METTL4: variants seen among roughly 807,000 people sequenced by gnomAD.
METTL4 encodes methyltransferase 4, N6-adenosine, also known as N(6)-adenine-specific methyltransferase METTL4.
In METTL4, 40 loss-of-function variants were observed where a neutral mutation model predicts 54.0. That is an observed-to-expected ratio of 0.74 (90% CI 0.58 to 0.96). The LOEUF is 0.96. Ranked by LOEUF, METTL4 falls within the 50% of genes least tolerant of loss-of-function variation. The pLI is 0.00. For missense variants in METTL4, 525 were observed against 549.0 expected (o/e 0.96, Z 0.44); for synonymous variants, 169 against 183.8 (o/e 0.92, Z 0.65).
At chr18:2,563,517 C>G (rs1175932270) in intron 3 of METTL4, among the ~76,000 whole-genome samples, 1 of 150,576 alleles carries the variant, frequency 6.6e-6, no homozygotes, top group Non-Finnish European at 1.5e-5. Context: ...ATTGCTTGAA[C>G]CCAGGAGGCA....
chr18:2,564,949 T>C (rs2072381334), intron 2 of METTL4, among the ~76,000 whole-genome samples: 1 of 152,182 alleles, frequency 6.6e-6, no homozygotes, highest in African/African-American at 2.4e-5. Flanking sequence ...AATATTTTCT[T>C]TTCTGTGTGT....
At chr18:2,546,660 T>A (rs185286796) in intron 6 of METTL4, among the ~76,000 whole-genome samples, 1 of 152,268 alleles carries the variant, frequency 6.6e-6, no homozygotes, top group Admixed American at 6.5e-5. Flanking sequence ...GAAAGGCGTT[T>A]ATAGAAATCA....
intron 3 of METTL4, among the ~76,000 whole-genome samples, chr18:2,559,134 A>G (rs1341083315): frequency 6.6e-6 from 1 of 152,228 alleles, no homozygotes; most frequent in East Asian, 1.9e-4. Flanking sequence ...AAAAGAACTA[A>G]AAGCAAGAAC....
At chr18:2,556,871 T>C (rs2072246784) in intron 3 of METTL4, among the ~76,000 whole-genome samples, 1 of 151,608 alleles carries the variant, frequency 6.6e-6, no homozygotes, top group Admixed American at 6.6e-5. Flanking sequence ...GGAGGAGGAA[T>C]CCGCACTATG....
At chr18:2,554,415 T>A in intron 4 of METTL4, 1 of 383,036 alleles carries the variant, frequency 2.6e-6, no homozygotes, top group Non-Finnish European at 4.6e-6. Context: ...CATACCGAAT[T>A]CCTAAGTACA....
At chr18:2,546,050 G>A (rs892703426) in intron 6 of METTL4, among the ~76,000 whole-genome samples, 4 of 152,036 alleles carry the variant, frequency 2.6e-5, no homozygotes, top group Admixed American at 6.6e-5. Context: ...TAGGCAAGAC[G>A]GAACAGGGTA....
rs778830253 is a variant in METTL4 at position 2,547,520 on chromosome 18, A to G, written c.909T>C (p.Tyr303=). The G allele has an allele frequency of 8.3e-6, 13 of 1,570,716 alleles. No individual in the cohort carries two copies. The highest frequency in any genetic ancestry group is 1.4e-5 in the African/African-American group (1 of 72,580). ...TTTGCTGTATTTGCAGGGGTGACAA[A>G]TAACTGTACCTAAAAATAAACGGAA... The part of the protein sequence containing the change: ...KSVKRSNRYS[Y]LSPLQIQQIP... The change falls in exon 6 of 9, where the codon TAT becomes TAC. Residue 303 remains tyrosine, a synonymous_variant. Transcript: ENST00000574538.
chr18:2,541,501 G>T (rs1380074614), intron 8 of METTL4, among the ~76,000 whole-genome samples: 2 of 152,030 alleles, frequency 1.3e-5, no homozygotes, highest in Non-Finnish European at 2.9e-5. Flanking sequence ...AAAAAGAAGT[G>T]GAAATTCCTC....
At chr18:2,570,312 G>C (rs529929571) in intron 1 of METTL4, among the ~76,000 whole-genome samples, 1 of 152,180 alleles carries the variant, frequency 6.6e-6, no homozygotes, top group African/African-American at 2.4e-5. Context: ...CAGGAAATTG[G>C]CAGGCTTGAC....
intron 5 of METTL4, among the ~76,000 whole-genome samples, chr18:2,550,116 C>T (rs1003152291): frequency 6.6e-6 from 1 of 152,120 alleles, no homozygotes; most frequent in Non-Finnish European, 1.5e-5. Context: ...TTCTCATAAT[C>T]GAAGTGATGA....
rs997504169 is a variant in METTL4, at chr18:2,559,856, G to A, written c.459+3941C>T. ...GTTCCAACAATTCTCCTCCCTCAGC[G>A]TCCCAAGTAGCTGGGGTTATAGGTG... On this transcript the variant is annotated intron_variant, in intron 3 of 8. Transcript: ENST00000574538. Among the ~76,000 whole-genome samples the A allele has an allele frequency of 2.1e-4, 32 of 152,014 alleles. 1 individual carries two copies. The highest frequency in any genetic ancestry group is 7.5e-4 in the African/African-American group (31 of 41,384).
intron 5 of METTL4, 150 bp from the exon 6 acceptor site, chr18:2,547,679 C>T (rs549071402): frequency 1.9e-6 from 1 of 521,676 alleles, no homozygotes; most frequent in Admixed American, 3.8e-5. Context: ...CAGTGACACC[C>T]AGTGGACATA....
intron 5 of METTL4, among the ~76,000 whole-genome samples, 185 bp from the exon 6 acceptor site, chr18:2,547,714 CCTT>C (rs994271119): frequency 5.9e-4 from 89 of 150,984 alleles, no homozygotes; most frequent in Non-Finnish European, 9.3e-4. Context: ...ACAAAAATCA[CCTT>C]TTTTTTAACT....
chr18:2,543,508 C>T (rs2072025231), intron 8 of METTL4, among the ~76,000 whole-genome samples: 1 of 152,146 alleles, frequency 6.6e-6, no homozygotes, highest in Non-Finnish European at 1.5e-5. Flanking sequence ...ATTCTCACAA[C>T]TCTAGAGGAC....
intron 4 of METTL4, chr18:2,554,350 C>T (rs570641254): frequency 4.7e-6 from 1 of 212,936 alleles, no homozygotes; most frequent in Non-Finnish European, 8.6e-6. Flanking sequence ...TGAAGTGTTT[C>T]TACTTTGCTA....
chr18:2,560,661 A>G (rs1181814767), intron 3 of METTL4, among the ~76,000 whole-genome samples: 1 of 152,174 alleles, frequency 6.6e-6, no homozygotes, highest in East Asian at 1.9e-4. Context: ...GCAGATCATG[A>G]GGTCAGGAGA....
intron 4 of METTL4, 158 bp downstream of exon 4, chr18:2,554,511 G>T: frequency 1.6e-6 from 1 of 640,914 alleles, no homozygotes; most frequent in Non-Finnish European, 2.6e-6. Context: ...GCAAAAGTCA[G>T]CACCTTAAAA....
Position 2,552,191 on chromosome 18 carries a change from C to CAAAAT in METTL4, c.899+499_899+503dup, listed in dbSNP as rs553206325. Among the ~76,000 whole-genome samples the CAAAAT allele has an allele frequency of 2.5e-4, 38 of 149,662 alleles. No homozygotes were observed. The East Asian group carries it at 2.7e-3, about 11-fold the overall frequency. ...CTGGTAACGGAGTGAGACTCCATCT[C>CAAAAT]AAAATAAAATAAAATAAAATAAAAT... On this transcript the variant is annotated intron_variant, in intron 5 of 8. Transcript: ENST00000574538.
chr18:2,570,786 ACCAGAC>A (rs1262101228), intron 1 of METTL4, among the ~76,000 whole-genome samples: 2 of 152,164 alleles, frequency 1.3e-5, no homozygotes, highest in Non-Finnish European at 2.9e-5. Context: ...CACAATTGCT[ACCAGAC>A]CCAAGTATCC....
Sources: gnomAD v4.1 joint callset for allele counts (sites outside exome capture counted in the v4.1 genomes callset) on GRCh38, gnomAD v4.1.1 for gene constraint, MANE v1.5 for transcripts, NCBI Gene and HGNC (gene_info 2026-07-23, HGNC 2026-07-21) for gene names.